TBC1D5: variants seen among roughly 807,000 people sequenced by gnomAD.
TBC1D5 encodes the protein TBC1 domain family member 5.
TBC1D5 carries 75 observed loss-of-function variants against 100.3 expected under a neutral mutation model. The observed-to-expected ratio is 0.75, with a 90% CI of 0.62 to 0.91. The LOEUF (loss-of-function observed/expected upper bound fraction) is 0.91. Ranked by LOEUF, TBC1D5 falls within the 40% of genes least tolerant of loss-of-function variation. The pLI, the probability that TBC1D5 is intolerant of heterozygous loss-of-function variation, is 0.00. For synonymous variants in TBC1D5, 323 were observed against 325.6 expected, an observed-to-expected ratio of 0.99 and a Z score of 0.09; for missense variants, 910 against 942.4, an observed-to-expected ratio of 0.97 and a Z score of 0.45.
At chr3:17,662,399 T>G (rs2066751169) in intron 1 of TBC1D5, among the ~76,000 whole-genome samples, 1 of 152,226 alleles carries the variant, frequency 6.6e-6, no homozygotes, top group African/African-American at 2.4e-5. Context: ...GGAAAGCCTT[T>G]GAATATCAGC....
chr3:17,404,845 C>G, intron 6 of TBC1D5, 27 bp downstream of exon 6: 1 of 1,555,638 alleles, frequency 6.4e-7, no homozygotes. Flanking sequence ...AAAACAATTA[C>G]ATTAATTAAA....
intron 3 of TBC1D5, among the ~76,000 whole-genome samples, chr3:17,447,986 T>A (rs1441997904): frequency 2.0e-5 from 3 of 152,198 alleles, no homozygotes; most frequent in African/African-American, 7.2e-5. Flanking sequence ...TTGTAAAAGC[T>A]CTTTAATTTT....
At chr3:17,294,357 C>A (rs554244332) in intron 14 of TBC1D5, among the ~76,000 whole-genome samples, 3 of 152,114 alleles carry the variant, frequency 2.0e-5, no homozygotes, top group African/African-American at 7.2e-5. Flanking sequence ...GTAGCTATTA[C>A]GGACTAGAGA....
intron 1 of TBC1D5, among the ~76,000 whole-genome samples, chr3:17,664,067 T>G (rs2066960187): frequency 6.6e-6 from 1 of 152,042 alleles, no homozygotes; most frequent in African/African-American, 2.4e-5. Flanking sequence ...GTTTTCTGTT[T>G]GTTTGTTTGT....
chr3:17,412,900 A>T (rs1017730812), intron 4 of TBC1D5, among the ~76,000 whole-genome samples: 2 of 152,164 alleles, frequency 1.3e-5, no homozygotes, highest in African/African-American at 2.4e-5. Flanking sequence ...TCTGGCAACA[A>T]GGCAATATAG....
intron 13 of TBC1D5, among the ~76,000 whole-genome samples, chr3:17,314,732 T>C (rs2084461747): frequency 6.6e-6 from 1 of 152,202 alleles, no homozygotes; most frequent in Non-Finnish European, 1.5e-5. Context: ...GACAGATTCC[T>C]GTTTCCTGTC....
chr3:17,283,966 C>T (rs1313040763), intron 15 of TBC1D5, among the ~76,000 whole-genome samples: 1 of 152,054 alleles, frequency 6.6e-6, no homozygotes, highest in East Asian at 1.9e-4. Flanking sequence ...TATTCTTTGC[C>T]TGGCTGGTTC....
chr3:17,384,614 C>A (rs1457612053), intron 8 of TBC1D5, among the ~76,000 whole-genome samples: 1 of 151,836 alleles, frequency 6.6e-6, no homozygotes, highest in Non-Finnish European at 1.5e-5. Flanking sequence ...TAGTAGTAGT[C>A]AACTGGGTTT....
chr3:17,574,474 C>T (rs1022838184), intron 2 of TBC1D5, among the ~76,000 whole-genome samples: 1 of 152,036 alleles, frequency 6.6e-6, no homozygotes, highest in African/African-American at 2.4e-5. Context: ...AACCATGATG[C>T]CCCAACACCT....
At chr3:17,159,125 T>G (rs1244533425) in exon 22 of TBC1D5, 2 of 152,238 alleles carry the variant, frequency 1.3e-5, no homozygotes, top group Non-Finnish European at 2.9e-5. Flanking sequence ...ACTGTGTGCA[T>G]CTGCCAGGCA....
chr3:17,714,102 G>A (rs2075017014), intron 1 of TBC1D5, among the ~76,000 whole-genome samples: 1 of 152,166 alleles, frequency 6.6e-6, no homozygotes, highest in South Asian at 2.1e-4. Context: ...GTTCCAGAGA[G>A]AGCAGAATAG....
intron 8 of TBC1D5, among the ~76,000 whole-genome samples, chr3:17,401,901 T>C (rs17043558): frequency 0.091 from 13,830 of 152,134 alleles, 1,412 homozygotes; most frequent in African/African-American, 0.25. Context: ...AAATATTTAC[T>C]GAGTACCAGG....
intron 1 of TBC1D5, among the ~76,000 whole-genome samples, chr3:17,714,137 T>A (rs2075019572): frequency 6.6e-6 from 1 of 152,164 alleles, no homozygotes; most frequent in African/African-American, 2.4e-5. Context: ...TTATTGTGTA[T>A]ATCTGTTCTA....
At chr3:17,531,014 C>T (rs1261559440) in intron 2 of TBC1D5, among the ~76,000 whole-genome samples, 1 of 152,066 alleles carries the variant, frequency 6.6e-6, no homozygotes, top group Non-Finnish European at 1.5e-5. Context: ...AAATAAAGGG[C>T]ATTCAATTAG....
chr3:17,551,723 A>G (rs1265359562), intron 2 of TBC1D5, among the ~76,000 whole-genome samples: 2 of 152,160 alleles, frequency 1.3e-5, no homozygotes, highest in East Asian at 3.8e-4. Context: ...TCTGCACTCC[A>G]GTGGGCCATT....
At chr3:17,442,687 T>A (rs2094692486) in intron 3 of TBC1D5, among the ~76,000 whole-genome samples, 3 of 152,156 alleles carry the variant, frequency 2.0e-5, no homozygotes, top group Admixed American at 6.5e-5. Flanking sequence ...TAATATCAAC[T>A]ACCACCAAAG....
intron 2 of TBC1D5, among the ~76,000 whole-genome samples, chr3:17,598,303 T>C (rs2060707427): frequency 6.6e-6 from 1 of 152,218 alleles, no homozygotes; most frequent in African/African-American, 2.4e-5. Context: ...AAAAGACAAG[T>C]ATATTTTATA....
At chr3:17,207,843 A>T (rs2125907750) in intron 18 of TBC1D5, among the ~76,000 whole-genome samples, 1 of 152,322 alleles carries the variant, frequency 6.6e-6, no homozygotes, top group South Asian at 2.1e-4. Flanking sequence ...TTTAGGTTTT[A>T]TGTCTCTTTC....
chr3:17,660,616 T>C (rs572790210), intron 1 of TBC1D5, among the ~76,000 whole-genome samples: 1 of 152,348 alleles, frequency 6.6e-6, no homozygotes, highest in African/African-American at 2.4e-5. Flanking sequence ...TTTGTTGTTC[T>C]AGCTATGGAC....
Sources: allele counts gnomAD v4.1 joint callset (sites outside exome capture counted in the v4.1 genomes callset), GRCh38; gene constraint gnomAD v4.1.1; transcripts MANE v1.5; gene names NCBI Gene and HGNC (gene_info 2026-07-23, HGNC 2026-07-21).